HCRTR2: variants seen among roughly 807,000 people sequenced by gnomAD.
The protein encoded by HCRTR2 is orexin receptor type 2.
Under a neutral mutation model 49.0 loss-of-function variants are expected in HCRTR2, and 22 were observed. The observed-to-expected ratio is 0.45, with a 90% CI of 0.32 to 0.64. The LOEUF is 0.64. HCRTR2 is among the 30% of genes least tolerant of loss of function. HCRTR2 has a pLI of 0.04. For synonymous variants in HCRTR2, 236 were observed against 205.3 expected, an observed-to-expected ratio of 1.15 and a Z score of -1.28; for missense variants, 491 against 559.4, an observed-to-expected ratio of 0.88 and a Z score of 1.23.
chr6:55,118,770 C>CTTAT (rs112088841), intron 1 of HCRTR2, among the ~76,000 whole-genome samples: 14,120 of 150,670 alleles, frequency 0.094, 1,304 homozygotes, highest in African/African-American at 0.24. Context: ...TGTAAATTTT[C>CTTAT]TTATTTATTT....
Position 55,282,389 on chromosome 6 carries a change from G to C in HCRTR2, c.1270G>C (p.Val424Leu). The C allele has an allele frequency of 6.2e-7, 1 of 1,613,184 alleles. No individual in the cohort carries two copies. Among genetic ancestry groups the C allele is most frequent in the Non-Finnish European group, 8.5e-7 (1 of 1,179,388 alleles). The change falls in exon 7 of 7, where the codon GTT becomes CTT. Residue 424 changes from valine to leucine, a missense_variant. Coordinates refer to ENST00000370862, the MANE Select transcript of HCRTR2 (RefSeq NM_001384272.1). ...TAACATATCAAAACTTTCTGAGCAA[G>C]TTGTGCTCACTAGCATAAGCACACT... Reference protein sequence around the residue: ...FDNISKLSEQVVLTSISTLPA... With the variant: ...FDNISKLSEQLVLTSISTLPA...
intron 1 of HCRTR2, among the ~76,000 whole-genome samples, chr6:55,246,241 G>C (rs765272594): frequency 2.2e-4 from 34 of 151,982 alleles, no homozygotes; most frequent in Non-Finnish European, 3.7e-4. Context: ...AAGACACCAG[G>C]CTTATGGTAC....
At chr6:55,200,929 C>A (rs751199836) in intron 1 of HCRTR2, among the ~76,000 whole-genome samples, 9 of 151,916 alleles carry the variant, frequency 5.9e-5, no homozygotes, top group Non-Finnish European at 1.3e-4. Context: ...TTTTGATATA[C>A]GTACTGATTT....
chr6:55,181,136 G>A (rs1348305256), intron 1 of HCRTR2, among the ~76,000 whole-genome samples: 1 of 143,138 alleles, frequency 7.0e-6, no homozygotes, highest in Non-Finnish European at 1.6e-5. Context: ...TCACCGGACA[G>A]TGTTCCTGGA....
In HCRTR2 at chr6:55,165,744, A is replaced by ATATAT. The variant is rs1764867205; in HGVS notation, c.-377-8467_-377-8466insTATAT. Among the ~76,000 whole-genome samples the ATATAT allele has an allele frequency of 3.3e-3, 418 of 128,444 alleles. 9 individuals are homozygous for ATATAT. Among genetic ancestry groups the ATATAT allele is most frequent in the Non-Finnish European group, 3.6e-3 (227 of 63,444 alleles). The allele number at this position is 128,444 out of a possible 152,430, so 84.3% of individuals were successfully genotyped here. On this transcript the variant is annotated intron_variant, in intron 1 of 7. Transcript: ENST00000615358. ...TATTTGTTAAGGGATTAGTATACAG[A>ATATAT]ATATATATATATATATATATATATA...
intron 2 of HCRTR2, among the ~76,000 whole-genome samples, 164 bp from the exon 3 acceptor site, chr6:55,254,972 T>A (rs1292448736): frequency 6.6e-6 from 1 of 152,192 alleles, no homozygotes; most frequent in African/African-American, 2.4e-5. Flanking sequence ...ATTTTTGTGA[T>A]ATAATTTCTT....
rs968802533 is a variant in HCRTR2 at position 55,232,601 on chromosome 6, A to G, written c.224-16038A>G. Among the ~76,000 whole-genome samples, 3 of 152,238 alleles carry G rather than the reference A, an allele frequency of 2.0e-5. No individual in the cohort carries two copies. The East Asian group carries it at 5.8e-4, about 29-fold the overall frequency. On this transcript the variant is annotated intron_variant, in intron 1 of 6. Coordinates refer to ENST00000370862, the MANE Select transcript of HCRTR2 (RefSeq NM_001384272.1). Reference sequence around the variant, plus strand: ...TAACTTTTCAGCAAAAATTTGTTAAATATTCAGAGATAGAAATCTTGATGT... The same window carrying G: ...TAACTTTTCAGCAAAAATTTGTTAAGTATTCAGAGATAGAAATCTTGATGT...
intron 4 of HCRTR2, among the ~76,000 whole-genome samples, chr6:55,271,574 C>G (rs1200198822): frequency 1.3e-5 from 2 of 151,968 alleles, no homozygotes; most frequent in Non-Finnish European, 2.9e-5. Context: ...TCAAACTGCA[C>G]CATTAAAAAC....
intron 1 of HCRTR2, among the ~76,000 whole-genome samples, chr6:55,206,789 CA>C (rs1237452546): frequency 1.3e-5 from 2 of 151,992 alleles, no homozygotes; most frequent in Admixed American, 6.6e-5. Context: ...CTTAACATGA[CA>C]TGATCCTCTT....
intron 1 of HCRTR2, among the ~76,000 whole-genome samples, chr6:55,227,651 A>G (rs2127298646): frequency 6.6e-6 from 1 of 152,282 alleles, no homozygotes; most frequent in South Asian, 2.1e-4. Flanking sequence ...TCAGTCTGAG[A>G]ACAGCTACTA....
intron 3 of HCRTR2, 142 bp from the exon 4 acceptor site, chr6:55,263,565 T>C: frequency 1.5e-6 from 1 of 645,976 alleles, no homozygotes; most frequent in South Asian, 1.8e-5. Flanking sequence ...TTATGAATTA[T>C]TTTTCCCCTT....
chr6:55,192,003 CA>C (rs1200489634), intron 1 of HCRTR2, among the ~76,000 whole-genome samples: 2 of 152,038 alleles, frequency 1.3e-5, no homozygotes, highest in African/African-American at 4.8e-5. Context: ...AGAGATGAGA[CA>C]TTTTTACTTT....
chr6:55,255,537 T>C (rs1052229385), intron 3 of HCRTR2, among the ~76,000 whole-genome samples, 158 bp downstream of exon 3: 4 of 152,206 alleles, frequency 2.6e-5, no homozygotes, highest in Non-Finnish European at 5.9e-5. Flanking sequence ...TTCAAAACAA[T>C]TTCACAGAAT....
chr6:55,229,223 C>T (rs1307719328), intron 1 of HCRTR2, among the ~76,000 whole-genome samples: 3 of 152,160 alleles, frequency 2.0e-5, no homozygotes, highest in Non-Finnish European at 2.9e-5. Context: ...GAGAATGTGT[C>T]TTGCTATGTT....
intron 1 of HCRTR2, among the ~76,000 whole-genome samples, chr6:55,218,902 C>A (rs1040938849): frequency 6.6e-6 from 1 of 152,180 alleles, no homozygotes; most frequent in Admixed American, 6.5e-5. Context: ...CAGCTCACTG[C>A]AATCTCCACT....
chr6:55,192,802 A>G (rs1451981905), intron 1 of HCRTR2, among the ~76,000 whole-genome samples: 1 of 152,222 alleles, frequency 6.6e-6, no homozygotes, highest in Non-Finnish European at 1.5e-5. Flanking sequence ...TATATCCTGT[A>G]GTTGTTGCCC....
chr6:55,232,469 A>T (rs1244965268), intron 1 of HCRTR2, among the ~76,000 whole-genome samples: 3 of 152,182 alleles, frequency 2.0e-5, no homozygotes. Flanking sequence ...TTTCTCCGAC[A>T]TGTTGTCTAA....
downstream of HCRTR2, among the ~76,000 whole-genome samples, chr6:55,283,275 A>G (rs540323168): frequency 3.9e-5 from 6 of 152,334 alleles, no homozygotes; most frequent in South Asian, 6.2e-4. Flanking sequence ...CGATGCAAAC[A>G]TGCCTTCAAA....
intron 4 of HCRTR2, among the ~76,000 whole-genome samples, chr6:55,271,763 TAAG>T (rs929512131): frequency 6.6e-5 from 10 of 152,192 alleles, no homozygotes; most frequent in African/African-American, 1.9e-4. Context: ...AATAAGCACA[TAAG>T]AAGGTGCTTA....
Sources: gnomAD v4.1 joint callset for allele counts (sites outside exome capture counted in the v4.1 genomes callset) on GRCh38, gnomAD v4.1.1 for gene constraint, MANE v1.5 for transcripts, NCBI Gene and HGNC (gene_info 2026-07-23, HGNC 2026-07-21) for gene names.